TSPAN18: variants seen among roughly 807,000 people sequenced by gnomAD.
TSPAN18 encodes the protein tetraspanin 18, also known as tetraspanin-18.
Under a neutral mutation model 27.3 loss-of-function variants are expected in TSPAN18, and 14 were observed. The observed-to-expected ratio is 0.51, with a 90% CI of 0.34 to 0.80. The LOEUF is 0.80. Among genes scored for constraint, TSPAN18 ranks in the 30% least tolerant of loss-of-function variants. TSPAN18 has a pLI of 0.01. For synonymous variants in TSPAN18, 143 were observed against 136.5 expected (o/e 1.05, Z -0.33); for missense variants, 268 against 323.9 (o/e 0.83, Z 1.32).
intron 3 of TSPAN18, among the ~76,000 whole-genome samples, chr11:44,895,833 G>T (rs1859024702): frequency 6.6e-6 from 1 of 152,202 alleles, no homozygotes; most frequent in South Asian, 2.1e-4. Flanking sequence ...CTGGGATGCA[G>T]CAGGAGAAGA....
chr11:44,888,517 C>G (rs765609473), intron 3 of TSPAN18, among the ~76,000 whole-genome samples: 1 of 152,126 alleles, frequency 6.6e-6, no homozygotes, highest in Non-Finnish European at 1.5e-5. Context: ...CAGTCCCGAT[C>G]ACCAAAGGGT....
At chr11:44,765,855 G>A (rs1855557072) in intron 2 of TSPAN18, among the ~76,000 whole-genome samples, 1 of 152,120 alleles carries the variant, frequency 6.6e-6, no homozygotes, top group South Asian at 2.1e-4. Flanking sequence ...TAAATTTTGG[G>A]CATCTCATGA....
chr11:44,747,373 G>T (rs1354926635), intron 1 of TSPAN18, among the ~76,000 whole-genome samples: 2 of 152,204 alleles, frequency 1.3e-5, no homozygotes, highest in Non-Finnish European at 2.9e-5. Flanking sequence ...GAGATGTGGG[G>T]ACCAAGGGAC....
At chr11:44,833,521 C>T (rs1283759240) in intron 2 of TSPAN18, among the ~76,000 whole-genome samples, 2 of 152,186 alleles carry the variant, frequency 1.3e-5, no homozygotes, top group Non-Finnish European at 2.9e-5. Context: ...TTAATAAGCA[C>T]TTTTCCCTGC....
chr11:44,794,929 A>T (rs1856314011), intron 2 of TSPAN18, among the ~76,000 whole-genome samples: 1 of 152,230 alleles, frequency 6.6e-6, no homozygotes, highest in African/African-American at 2.4e-5. Context: ...AGTTATTAAC[A>T]TGCATTTTCA....
intron 3 of TSPAN18, chr11:44,903,245 C>A (rs753352459): frequency 8.2e-6 from 3 of 364,726 alleles, no homozygotes; most frequent in African/African-American, 4.3e-5. Flanking sequence ...ATGCCTGTGA[C>A]GAGTCTTAAA....
chr11:44,857,432 G>A (rs368648977), intron 2 of TSPAN18, among the ~76,000 whole-genome samples: 21 of 152,358 alleles, frequency 1.4e-4, no homozygotes, highest in African/African-American at 4.8e-4. Flanking sequence ...CGCCTCCCCC[G>A]TGGATGCCAA....
intron 1 of TSPAN18, among the ~76,000 whole-genome samples, chr11:44,756,305 AGGAG>A (rs536867056): frequency 1.8e-4 from 22 of 119,768 alleles, no homozygotes; most frequent in Admixed American, 1.3e-3. Flanking sequence ...GAGAACAAAA[AGGAG>A]GGAGGGAGGG....
intron 2 of TSPAN18, among the ~76,000 whole-genome samples, chr11:44,784,149 C>T (rs150819116): frequency 1.0e-3 from 154 of 152,260 alleles, no homozygotes; most frequent in African/African-American, 3.6e-3. Context: ...GGTGCTGGTA[C>T]TGACAAAATG....
At chr11:44,905,901 C>T (rs1165818451) in intron 3 of TSPAN18, among the ~76,000 whole-genome samples, 3 of 152,186 alleles carry the variant, frequency 2.0e-5, no homozygotes, top group Non-Finnish European at 2.9e-5. Flanking sequence ...ACCAAGCAAC[C>T]GCCCTGGTCT....
intron 2 of TSPAN18, among the ~76,000 whole-genome samples, chr11:44,790,405 A>G (rs1383445609): frequency 1.9e-4 from 21 of 112,064 alleles, no homozygotes; most frequent in African/African-American, 6.0e-4. Flanking sequence ...TCTTGCTTGT[A>G]CGTGTGTGCA....
At chr11:44,839,723 A>AG (rs1234341378) in intron 2 of TSPAN18, among the ~76,000 whole-genome samples, 9 of 151,968 alleles carry the variant, frequency 5.9e-5, no homozygotes, top group African/African-American at 1.9e-4. Flanking sequence ...TGAGCATGCA[A>AG]GCGGGGAGGG....
intron 2 of TSPAN18, among the ~76,000 whole-genome samples, chr11:44,826,473 G>C (rs1399011776): frequency 6.6e-6 from 1 of 152,174 alleles, no homozygotes; most frequent in East Asian, 1.9e-4. Flanking sequence ...ATGAAGGGTG[G>C]ATATTTTTGG....
At chr11:44,825,798 A>G in intron 2 of TSPAN18, among the ~76,000 whole-genome samples, 1 of 152,130 alleles carries the variant, frequency 6.6e-6, no homozygotes, top group East Asian at 1.9e-4. Context: ...CCAGTTCACA[A>G]CAGAGACCCT....
intron 2 of TSPAN18, among the ~76,000 whole-genome samples, chr11:44,770,023 T>G (rs1352737379): frequency 1.3e-5 from 2 of 152,248 alleles, no homozygotes. Context: ...TGCCTAGCCC[T>G]GAGTTGGCTT....
intron 2 of TSPAN18, among the ~76,000 whole-genome samples, chr11:44,828,402 G>A (rs2135137601): frequency 6.6e-6 from 1 of 152,284 alleles, no homozygotes; most frequent in South Asian, 2.1e-4. Flanking sequence ...GAGGATCTTG[G>A]CAATTCTGAT....
Position 44,897,355 on chromosome 11 carries a change from G to C in TSPAN18, c.-10-9052G>C, listed in dbSNP as rs183969814. On this transcript the variant is annotated intron_variant, in intron 3 of 9. Transcript: ENST00000520358. ...GGAAGTTGATGAACAGGGCCCTGCT[G>C]GCACTCTCTCTGCTGAAGTATTGTG... Among the ~76,000 whole-genome samples, 501 of 152,292 alleles carry C rather than the reference G, an allele frequency of 3.3e-3. 4 individuals are homozygous for C. Among genetic ancestry groups the C allele is most frequent in the African/African-American group, 0.011 (464 of 41,552 alleles).
intron 2 of TSPAN18, among the ~76,000 whole-genome samples, chr11:44,827,322 C>A (rs565460076): frequency 6.6e-6 from 1 of 152,234 alleles, no homozygotes; most frequent in Non-Finnish European, 1.5e-5. Flanking sequence ...ACAAGACCAG[C>A]AAGCCTTGGG....
intron 2 of TSPAN18, among the ~76,000 whole-genome samples, chr11:44,777,524 T>C (rs1329335044): frequency 6.6e-6 from 1 of 152,206 alleles, no homozygotes; most frequent in East Asian, 1.9e-4. Context: ...GCTAAGTGAA[T>C]AGTCACCCTA....
Sources: gnomAD v4.1 joint callset for allele counts (sites outside exome capture counted in the v4.1 genomes callset) on GRCh38, gnomAD v4.1.1 for gene constraint, MANE v1.5 for transcripts, NCBI Gene and HGNC (gene_info 2026-07-23, HGNC 2026-07-21) for gene names.